CPEB1: variants seen among roughly 807,000 people sequenced by gnomAD.
CPEB1 encodes the protein cytoplasmic polyadenylation element binding protein 1, also known as cytoplasmic polyadenylation element-binding protein 1.
CPEB1 carries 7 observed loss-of-function variants against 65.8 expected under a neutral mutation model. The observed-to-expected ratio is 0.11, with a 90% confidence interval of 0.06 to 0.20. CPEB1 has a LOEUF of 0.20. Ranked by LOEUF, CPEB1 falls within the 10% of genes least tolerant of loss-of-function variation. CPEB1 has a pLI of 1.00. For synonymous variants in CPEB1, 262 were observed against 260.0 expected (o/e 1.01, Z -0.08); for missense variants, 551 against 712.2 (o/e 0.77, Z 2.58).
intron 1 of CPEB1, among the ~76,000 whole-genome samples, chr15:82,634,458 C>A (rs2046498014): frequency 6.6e-6 from 1 of 152,178 alleles, no homozygotes; most frequent in Non-Finnish European, 1.5e-5. Flanking sequence ...CAACTATCAT[C>A]TCTGGGTTGA....
intron 4 of CPEB1, among the ~76,000 whole-genome samples, chr15:82,570,205 G>C (rs928414605): frequency 6.6e-6 from 1 of 152,076 alleles, no homozygotes; most frequent in African/African-American, 2.4e-5. Context: ...ACGGGCCCAG[G>C]CTCTGCAAAG....
intron 3 of CPEB1, among the ~76,000 whole-genome samples, chr15:82,625,789 A>G (rs1160859165): frequency 3.9e-5 from 6 of 152,126 alleles, no homozygotes; most frequent in South Asian, 2.1e-4. Context: ...TTCAAGGACC[A>G]TTTTTAAAAA....
chr15:82,598,792 AAAAC>A (rs930530759), intron 3 of CPEB1, among the ~76,000 whole-genome samples: 32 of 152,172 alleles, frequency 2.1e-4, no homozygotes, highest in Non-Finnish European at 4.3e-4. Context: ...CTGAAAAACA[AAAAC>A]AAACAAAAAA....
chr15:82,601,644 C>T (rs1185011014), intron 3 of CPEB1, among the ~76,000 whole-genome samples: 1 of 152,082 alleles, frequency 6.6e-6, no homozygotes, highest in Non-Finnish European at 1.5e-5. Flanking sequence ...TTTCCAGGGT[C>T]ATGTCTTACA....
intron 3 of CPEB1, among the ~76,000 whole-genome samples, chr15:82,614,665 T>C (rs1340493404): frequency 6.6e-6 from 1 of 152,092 alleles, no homozygotes; most frequent in Non-Finnish European, 1.5e-5. Context: ...AATTGTATAA[T>C]GTTACCTAAC....
At chr15:82,607,004 A>T (rs1464069933) in intron 3 of CPEB1, among the ~76,000 whole-genome samples, 1 of 151,982 alleles carries the variant, frequency 6.6e-6, no homozygotes, top group Non-Finnish European at 1.5e-5. Flanking sequence ...AAGAATGACA[A>T]GGAAATTAAA....
intron 1 of CPEB1, among the ~76,000 whole-genome samples, chr15:82,646,597 C>T (rs1048320437): frequency 4.0e-5 from 6 of 151,148 alleles, no homozygotes; most frequent in Non-Finnish European, 8.8e-5. Flanking sequence ...GAGCAAAGTG[C>T]CCCCGAAAAA....
intron 1 of CPEB1, among the ~76,000 whole-genome samples, chr15:82,632,526 T>A (rs1176142965): frequency 6.6e-6 from 1 of 151,646 alleles, no homozygotes; most frequent in Non-Finnish European, 1.5e-5. Context: ...CACACACACA[T>A]TTTTTAAGAG....
intron 3 of CPEB1, among the ~76,000 whole-genome samples, chr15:82,586,059 T>C (rs2041774490): frequency 6.6e-6 from 1 of 152,110 alleles, no homozygotes. Flanking sequence ...TAAAGTATAA[T>C]TGTGAGCAAG....
chr15:82,629,628 T>G, intron 1 of CPEB1: 5 of 984,478 alleles, frequency 5.1e-6, no homozygotes, highest in Non-Finnish European at 6.0e-6. Flanking sequence ...CAATGAAATA[T>G]TGGTTGACAG....
At chr15:82,621,005 C>T (rs2045253191) in intron 3 of CPEB1, among the ~76,000 whole-genome samples, 1 of 152,192 alleles carries the variant, frequency 6.6e-6, no homozygotes, top group Admixed American at 6.5e-5. Flanking sequence ...ATCGTTGCCA[C>T]TTAACTGTTA....
rs748320795 is a variant in CPEB1, at chr15:82,571,303, T to C, written c.460+41A>G. The C allele has an allele frequency of 7.6e-6, 12 of 1,583,716 alleles. No individual in the cohort carries two copies. In the East Asian group the frequency reaches 2.5e-4, roughly 33 times the overall value. On this transcript the variant is annotated intron_variant, in intron 4 of 12. Transcript: ENST00000684509. ...TGGATATCTTCGTTCACCACCCCCA[T>C]GCATCCCCTTACCCCAGCCAACTCA... is the stretch of plus-strand genomic sequence containing the variant.
intron 3 of CPEB1, among the ~76,000 whole-genome samples, chr15:82,607,882 A>G (rs749663792): frequency 1.3e-5 from 2 of 152,234 alleles, no homozygotes; most frequent in Non-Finnish European, 2.9e-5. Context: ...CAACAGTAAC[A>G]CTATTGCTGG....
At chr15:82,629,349 A>T (rs2046040716) in intron 1 of CPEB1, 1 of 985,118 alleles carries the variant, frequency 1.0e-6, no homozygotes, top group Non-Finnish European at 1.2e-6. Context: ...ACCCAAACTG[A>T]TTAAGTTATA....
At chr15:82,617,987 C>A (rs1403478438) in intron 3 of CPEB1, among the ~76,000 whole-genome samples, 1 of 151,706 alleles carries the variant, frequency 6.6e-6, no homozygotes, top group Non-Finnish European at 1.5e-5. Flanking sequence ...CCCGCCTCGG[C>A]CTCCCAAAGT....
At chr15:82,648,737 C>T (rs867740499), upstream of CPEB1, 1 of 152,324 alleles carries the variant, frequency 6.6e-6, no homozygotes, top group African/African-American at 2.4e-5. Context: ...GGGAGGACGG[C>T]ACCGAGCGGC....
intron 3 of CPEB1, among the ~76,000 whole-genome samples, chr15:82,578,651 G>C (rs1036665414): frequency 1.3e-5 from 2 of 152,036 alleles, no homozygotes; most frequent in Non-Finnish European, 2.9e-5. Flanking sequence ...CAGCTACTCA[G>C]GAGGCTGAGG....
intron 3 of CPEB1, among the ~76,000 whole-genome samples, chr15:82,586,572 A>G (rs945000483): frequency 6.6e-6 from 1 of 152,170 alleles, no homozygotes; most frequent in Non-Finnish European, 1.5e-5. Flanking sequence ...CCTAAGCTAC[A>G]TTTTTGTCCA....
At chr15:82,608,280 TAAAC>T (rs1208199556) in intron 3 of CPEB1, among the ~76,000 whole-genome samples, 1 of 152,164 alleles carries the variant, frequency 6.6e-6, no homozygotes, top group African/African-American at 2.4e-5. Context: ...TTTTTTTTTT[TAAAC>T]AAACTTTCCC....
Sources: gnomAD v4.1 joint callset for allele counts (sites outside exome capture counted in the v4.1 genomes callset) on GRCh38, gnomAD v4.1.1 for gene constraint, MANE v1.5 for transcripts, NCBI Gene and HGNC (gene_info 2026-07-23, HGNC 2026-07-21) for gene names.